ZNF618: variants seen among roughly 807,000 people sequenced by gnomAD.
The protein encoded by ZNF618 is zinc finger protein 618, also known as neural precursor cell expressed, developmentally down-regulated 10.
ZNF618 carries 34 observed loss-of-function variants against 103.0 expected under a neutral mutation model. That is an observed-to-expected ratio of 0.33 (90% CI 0.25 to 0.44). The LOEUF is 0.44. ZNF618 is among the 20% of genes least tolerant of loss of function. ZNF618 has a pLI of 1.00. For missense variants in ZNF618, 1,059 were observed against 1,295.4 expected, an observed-to-expected ratio of 0.82 and a Z score of 2.80; for synonymous variants, 551 against 542.2, an observed-to-expected ratio of 1.02 and a Z score of -0.23.
At chr9:113,902,948 C>T (rs939058401) in intron 1 of ZNF618, among the ~76,000 whole-genome samples, 4 of 152,176 alleles carry the variant, frequency 2.6e-5, no homozygotes, top group African/African-American at 9.7e-5. Flanking sequence ...CATCCTTGTA[C>T]ATGTTTCCAC....
chr9:113,935,990 T>G (rs1833998959), intron 1 of ZNF618, among the ~76,000 whole-genome samples: 1 of 152,120 alleles, frequency 6.6e-6, no homozygotes, highest in African/African-American at 2.4e-5. Context: ...GGTCTCACTC[T>G]GTCATCCAGG....
intron 13 of ZNF618, among the ~76,000 whole-genome samples, chr9:114,038,724 A>G (rs759639231): frequency 2.0e-5 from 3 of 152,220 alleles, no homozygotes; most frequent in South Asian, 2.1e-4. Flanking sequence ...AGTGCTTTCT[A>G]TGCGTCACTT....
Position 114,048,819 on chromosome 9 carries a change from A to G in ZNF618, c.1517A>G (p.Tyr506Cys), listed in dbSNP as rs373735776. 40 of 1,613,286 alleles carry G rather than the reference A, an allele frequency of 2.5e-5. No individual in the cohort carries two copies. Among genetic ancestry groups the G allele is most frequent in the Middle Eastern group, 1.6e-4 (1 of 6,084 alleles). Reference protein sequence around the residue: ...AQTLVDSGARYGAFSVTEILG... With the variant: ...AQTLVDSGARCGAFSVTEILG... ...ACCTTAGTAGACAGTGGTGCCCGCT[A>G]TGGGGCCTTCTCGGTCACTGAAATC... The change falls in exon 15 of 15, where the codon TAT (tyrosine) becomes TGT (cysteine). Residue 506 changes from tyrosine to cysteine, a missense_variant. Physicochemically the swap from Tyr to Cys is radical, Grantham distance 194 (BLOSUM62 -2). Transcript: ENST00000374126.
At chr9:113,904,743 T>C (rs1328425682) in intron 1 of ZNF618, among the ~76,000 whole-genome samples, 1 of 152,190 alleles carries the variant, frequency 6.6e-6, no homozygotes, top group Non-Finnish European at 1.5e-5. Flanking sequence ...TTCCAACCTT[T>C]AGAGGCTACC....
chr9:114,008,101 T>C (rs1841913408), intron 7 of ZNF618, among the ~76,000 whole-genome samples: 1 of 152,188 alleles, frequency 6.6e-6, no homozygotes, highest in Non-Finnish European at 1.5e-5. Flanking sequence ...GTACCATGGA[T>C]GGGTGCCCAT....
At chr9:113,931,903 T>A (rs772843236) in intron 1 of ZNF618, among the ~76,000 whole-genome samples, 4 of 152,234 alleles carry the variant, frequency 2.6e-5, no homozygotes, top group Non-Finnish European at 4.4e-5. Context: ...TGGACAATGC[T>A]GTTCTCTACT....
rs538139791 is a variant in ZNF618 at position 113,926,771 on chromosome 9, G to A, written c.34-42346G>A. Among the ~76,000 whole-genome samples the A allele has an allele frequency of 6.7e-4, 102 of 152,294 alleles. 2 individuals are homozygous for A. The South Asian group carries it at 0.02, about 30-fold the overall frequency. On this transcript the variant is annotated intron_variant, in intron 1 of 14. Transcript: ENST00000374126. Reference sequence around the variant, plus strand: ...CTCATGCTTGTAATCCCAGCATTTTGGAAGGCCAAGATGGGTGGATCGCTT... The same window carrying A: ...CTCATGCTTGTAATCCCAGCATTTTAGAAGGCCAAGATGGGTGGATCGCTT...
chr9:113,889,027 C>G (rs957503016), intron 1 of ZNF618, among the ~76,000 whole-genome samples: 5 of 152,168 alleles, frequency 3.3e-5, no homozygotes, highest in Non-Finnish European at 4.4e-5. Flanking sequence ...ATCTTCCCAC[C>G]CACATACACT....
intron 1 of ZNF618, among the ~76,000 whole-genome samples, chr9:113,886,378 G>A (rs1445133593): frequency 1.3e-5 from 2 of 152,134 alleles, no homozygotes; most frequent in Non-Finnish European, 2.9e-5. Context: ...TTTGTGTTTT[G>A]TTTTATTTTG....
At chr9:113,995,586 G>C (rs1440926180) in intron 3 of ZNF618, among the ~76,000 whole-genome samples, 1 of 152,150 alleles carries the variant, frequency 6.6e-6, no homozygotes, top group Non-Finnish European at 1.5e-5. Context: ...TTTTGTTTTA[G>C]CAGTGTCACT....
At chr9:114,026,737 A>T (rs1168269476) in intron 10 of ZNF618, among the ~76,000 whole-genome samples, 1 of 152,194 alleles carries the variant, frequency 6.6e-6, no homozygotes, top group Non-Finnish European at 1.5e-5. Flanking sequence ...TCTGAAAAAT[A>T]CCAGTAATAG....
At chr9:113,921,741 C>A (rs1832669986) in intron 1 of ZNF618, among the ~76,000 whole-genome samples, 1 of 152,208 alleles carries the variant, frequency 6.6e-6, no homozygotes, top group Admixed American at 6.5e-5. Flanking sequence ...TGAAGTGTCC[C>A]ACAGATCAAA....
chr9:113,977,219 C>T (rs571654806), intron 2 of ZNF618, among the ~76,000 whole-genome samples: 10 of 152,270 alleles, frequency 6.6e-5, no homozygotes, highest in African/African-American at 2.4e-4. Context: ...CTGGGCAGCA[C>T]TGGGCATCAG....
At chr9:113,926,968 G>A (rs9942970) in intron 1 of ZNF618, among the ~76,000 whole-genome samples, 75,573 of 151,998 alleles carry the variant, frequency 0.5, 19,147 homozygotes, top group Non-Finnish European at 0.55. Context: ...AGCTGAGATC[G>A]CACCCCTGCA....
At chr9:114,044,632 G>C (rs1845500898) in intron 13 of ZNF618, among the ~76,000 whole-genome samples, 1 of 152,124 alleles carries the variant, frequency 6.6e-6, no homozygotes, top group Admixed American at 6.6e-5. Context: ...GCTGTTGGCA[G>C]TATGGTCATT....
At chr9:113,931,284 C>G (rs540859248) in intron 1 of ZNF618, among the ~76,000 whole-genome samples, 30 of 152,308 alleles carry the variant, frequency 2.0e-4, no homozygotes, top group Middle Eastern at 3.4e-3. Context: ...CCTGAGCACA[C>G]TCGTGTCGGG....
chr9:114,027,848 G>C (rs1303112459), intron 10 of ZNF618: 1 of 152,720 alleles, frequency 6.5e-6, no homozygotes, highest in Non-Finnish European at 1.5e-5. Context: ...CCTCTGGTCG[G>C]TACCAAAGGG....
chr9:113,935,178 C>T (rs1218732302), intron 1 of ZNF618, among the ~76,000 whole-genome samples: 1 of 152,184 alleles, frequency 6.6e-6, no homozygotes, highest in East Asian at 1.9e-4. Context: ...TGGCCCAGGC[C>T]CTAGGAAGGA....
At chr9:114,034,005 C>G (rs531960274) in intron 12 of ZNF618, among the ~76,000 whole-genome samples, 4 of 152,310 alleles carry the variant, frequency 2.6e-5, no homozygotes, top group Admixed American at 2.6e-4. Flanking sequence ...CCACCACTTA[C>G]TAGCTGGTGA....
Sources: gnomAD v4.1 joint callset for allele counts (sites outside exome capture counted in the v4.1 genomes callset) on GRCh38, gnomAD v4.1.1 for gene constraint, MANE v1.5 for transcripts, NCBI Gene and HGNC (gene_info 2026-07-23, HGNC 2026-07-21) for gene names.